The following ATP2B1 variants were observed in gnomAD, a reference collection of about 807,000 sequenced individuals.
ATP2B1 encodes plasma membrane calcium-transporting ATPase 1.
Under a neutral mutation model 124.2 loss-of-function variants are expected in ATP2B1, and 14 were observed. The observed-to-expected ratio is 0.11, with a 90% confidence interval of 0.07 to 0.18. ATP2B1 has a LOEUF of 0.18. Among genes scored for constraint, ATP2B1 ranks in the 10% least tolerant of loss-of-function variants. ATP2B1 has a pLI of 1.00. For missense variants in ATP2B1, 763 were observed against 1,466.1 expected, an observed-to-expected ratio of 0.52 and a Z score of 7.83; for synonymous variants, 449 against 492.4, an observed-to-expected ratio of 0.91 and a Z score of 1.17.
intron 14 of ATP2B1, 54 bp downstream of exon 14, chr12:89,610,367 G>T: frequency 7.1e-7 from 1 of 1,413,922 alleles, no homozygotes; most frequent in Non-Finnish European, 1.0e-6. Context: ...ATTCTGGGAA[G>T]CAGAACACAT....
chr12:89,645,817 T>A (rs1884363375), intron 2 of ATP2B1, among the ~76,000 whole-genome samples: 1 of 152,174 alleles, frequency 6.6e-6, no homozygotes, highest in Admixed American at 6.5e-5. Flanking sequence ...TAAAGTGCAA[T>A]GAAAACAATT....
rs73443097 is a variant in ATP2B1, at chr12:89,617,949, A to C, written c.1830-910T>G. 3.1e-3 allele frequency among the ~76,000 whole-genome samples: 469 copies of C among 152,120 alleles called. 2 individuals are homozygous for C. The highest frequency in any genetic ancestry group is 0.01 in the African/African-American group (429 of 41,512). On this transcript the variant is annotated intron_variant, in intron 11 of 20. Transcript: ENST00000428670. ...TACTATTAGCTCCTAAGTCCTATACATTTCTCCTCTGAACAGCCTCCTCAA... is the reference window on the plus strand; with the variant it reads ...TACTATTAGCTCCTAAGTCCTATACCTTTCTCCTCTGAACAGCCTCCTCAA...
chr12:89,647,578 C>T (rs187402839), intron 2 of ATP2B1, among the ~76,000 whole-genome samples: 1 of 152,296 alleles, frequency 6.6e-6, no homozygotes, highest in East Asian at 1.9e-4. Flanking sequence ...TAACACACAG[C>T]ACATACTACA....
At chr12:89,625,584 C>CAAAAAAAAA (rs10560749) in intron 8 of ATP2B1, among the ~76,000 whole-genome samples, 27 of 81,490 alleles carry the variant, frequency 3.3e-4, no homozygotes, top group Non-Finnish European at 4.0e-4. Context: ...GACCCTGTCT[C>CAAAAAAAAA]AAAAAAAAAA....
At chr12:89,627,818 A>G (rs1881136666) in intron 6 of ATP2B1, 102 bp from the exon 7 acceptor site, 2 of 1,250,442 alleles carry the variant, frequency 1.6e-6, no homozygotes, top group Admixed American at 1.8e-5. Flanking sequence ...TTGTTACACA[A>G]TGGTGTGTGT....
chr12:89,666,026 T>G (rs1462854258), intron 1 of ATP2B1, among the ~76,000 whole-genome samples: 2 of 152,242 alleles, frequency 1.3e-5, no homozygotes, highest in Non-Finnish European at 2.9e-5. Context: ...GAAGGCACTT[T>G]CCCATTTCTT....
At chr12:89,696,411 A>T (rs1470764406) in intron 1 of ATP2B1, among the ~76,000 whole-genome samples, 4 of 152,238 alleles carry the variant, frequency 2.6e-5, no homozygotes, top group South Asian at 4.1e-4. Context: ...ACAGAAAAGA[A>T]TTAAAATCAA....
intron 1 of ATP2B1, among the ~76,000 whole-genome samples, chr12:89,691,460 T>A (rs183937359): frequency 6.6e-6 from 1 of 152,292 alleles, no homozygotes; most frequent in East Asian, 1.9e-4. Flanking sequence ...TATAAGATAT[T>A]TGCCATAAGC....
intron 20 of ATP2B1, among the ~76,000 whole-genome samples, chr12:89,595,154 T>C (rs1592694742): frequency 1.3e-5 from 2 of 152,206 alleles, no homozygotes; most frequent in Non-Finnish European, 2.9e-5. Flanking sequence ...GTCATAATTA[T>C]ACAACTCTGC....
chr12:89,592,365 T>G (rs928813867), intron 20 of ATP2B1, among the ~76,000 whole-genome samples: 2 of 152,070 alleles, frequency 1.3e-5, no homozygotes, highest in Non-Finnish European at 2.9e-5. Context: ...AAATAACACT[T>G]TGACATTCTA....
chr12:89,630,555 G>C lies in ATP2B1; in HGVS notation c.878C>G (p.Ala293Gly). The change falls in exon 6 of 21, where the codon GCT becomes GGT. Residue 293 changes from alanine to glycine, a missense_variant. Transcript: ENST00000428670. The part of the protein sequence containing the change: ...QTGIIFTLLG[A>G]GGEEEEKKDE... ...TTTCTTCTCTTCCTCTTCACCTCCA[G>C]CTCCAAGTAAGGTAAAGATAATTCC... 6.3e-7 allele frequency: 1 copy of C among 1,593,946 alleles called. No homozygotes were observed. Among genetic ancestry groups the C allele is most frequent in the Non-Finnish European group, 8.6e-7 (1 of 1,169,414 alleles).
rs760370514 is a variant in ATP2B1, at chr12:89,624,231, T to C, written c.1296A>G (p.Pro432=). 2.5e-6 allele frequency: 4 copies of C among 1,614,076 alleles called. No homozygotes were observed. In the African/African-American group the frequency reaches 4.0e-5, roughly 16 times the overall value. ...IGVTVLVVAV[P]EGLPLAVTIS... Reference sequence around the variant, plus strand: ...TCGTGACTGCAAGTGGAAGACCTTCTGGCACTGCGACCACTAAAACTGTAA... The same window carrying C: ...TCGTGACTGCAAGTGGAAGACCTTCCGGCACTGCGACCACTAAAACTGTAA... Residue 432 remains proline, a synonymous_variant, in exon 9 of 21, where the codon CCA becomes CCG. Transcript: ENST00000428670.
At chr12:89,662,118 G>A (rs181703661) in intron 1 of ATP2B1, among the ~76,000 whole-genome samples, 1 of 151,622 alleles carries the variant, frequency 6.6e-6, no homozygotes, top group Non-Finnish European at 1.5e-5. Context: ...CTTATCAAGA[G>A]AGACTATGAT....
At chr12:89,633,871 C>A (rs1228874060) in intron 5 of ATP2B1, among the ~76,000 whole-genome samples, 2 of 152,064 alleles carry the variant, frequency 1.3e-5, no homozygotes, top group Non-Finnish European at 2.9e-5. Context: ...TTCAATCTGA[C>A]AAGTACAGTT....
chr12:89,659,357 A>AACACACACAC (rs10648843), intron 1 of ATP2B1, among the ~76,000 whole-genome samples: 137 of 149,334 alleles, frequency 9.2e-4, no homozygotes, highest in Middle Eastern at 3.4e-3. Flanking sequence ...GGTATTACAA[A>AACACACACAC]ACACACACAC....
chr12:89,639,105 T>C (rs746916600), intron 3 of ATP2B1, among the ~76,000 whole-genome samples: 23 of 152,230 alleles, frequency 1.5e-4, no homozygotes, highest in Non-Finnish European at 2.4e-4. Context: ...TTTAGATTTC[T>C]ATGACTGTAG....
chr12:89,627,255 A>G (rs575057636), intron 7 of ATP2B1, among the ~76,000 whole-genome samples: 3 of 152,286 alleles, frequency 2.0e-5, no homozygotes, highest in Non-Finnish European at 4.4e-5. Flanking sequence ...TTCATGCACA[A>G]AATTATTAAA....
chr12:89,649,067 C>A (rs143500355), intron 2 of ATP2B1, among the ~76,000 whole-genome samples: 1 of 152,252 alleles, frequency 6.6e-6, no homozygotes, highest in Non-Finnish European at 1.5e-5. Flanking sequence ...AAGAGAAGCC[C>A]GCCTAGGGGC....
intron 19 of ATP2B1, among the ~76,000 whole-genome samples, chr12:89,600,772 C>A (rs1266373283): frequency 6.6e-6 from 1 of 151,984 alleles, no homozygotes; most frequent in East Asian, 1.9e-4. Flanking sequence ...CCTCAGCCTC[C>A]CAAGTAGCTG....
Sources: allele counts gnomAD v4.1 joint callset (sites outside exome capture counted in the v4.1 genomes callset), GRCh38; gene constraint gnomAD v4.1.1; transcripts MANE v1.5; gene names NCBI Gene and HGNC (gene_info 2026-07-23, HGNC 2026-07-21).